The following CELF2 variants were observed in gnomAD, a reference collection of about 807,000 sequenced individuals.
CELF2 encodes CUGBP Elav-like family member 2, also known as CUG triplet repeat RNA-binding protein 2.
Under a neutral mutation model 62.6 loss-of-function variants are expected in CELF2, and 8 were observed. The ratio of observed to expected loss-of-function variants is 0.13; its 90% confidence interval spans 0.07 to 0.23. CELF2 has a LOEUF of 0.23. Among genes scored for constraint, CELF2 ranks in the 10% least tolerant of loss-of-function variants. The probability of loss-of-function intolerance (pLI) is 1.00; values close to 1 mark genes in which losing one functional copy is unlikely to be tolerated. For synonymous variants in CELF2, 258 were observed against 250.0 expected (o/e 1.03, Z -0.30); for missense variants, 333 against 671.0 (o/e 0.50, Z 5.56).
chr10:11,083,841 A>G (rs978149997), intron 1 of CELF2, among the ~76,000 whole-genome samples: 7 of 152,208 alleles, frequency 4.6e-5, no homozygotes, highest in Admixed American at 2.6e-4. Flanking sequence ...ATAAGGGAGA[A>G]TTAGATCAGA....
At chr10:11,023,850 A>T (rs1304522052) in intron 1 of CELF2, among the ~76,000 whole-genome samples, 2 of 152,242 alleles carry the variant, frequency 1.3e-5, no homozygotes, top group Non-Finnish European at 2.9e-5. Context: ...TTCTGTTTAG[A>T]TACTAAAAGT....
intron 1 of CELF2, among the ~76,000 whole-genome samples, chr10:11,147,657 A>T (rs773277855): frequency 1.3e-5 from 2 of 152,256 alleles, no homozygotes; most frequent in African/African-American, 2.4e-5. Flanking sequence ...TCACATGGCA[A>T]TATATGCAAG....
chr10:10,732,611 T>C, the CELF2 span, among the ~76,000 whole-genome samples: 715 of 150,818 alleles, frequency 4.7e-3, 7 homozygotes, highest in African/African-American at 0.016. Context: ...GCAACCTCTG[T>C]CTCCCGGGTT....
Position 11,313,060 on chromosome 10 carries a change from G to A in CELF2, c.977-1079G>A, listed in dbSNP as rs552409926. Among the ~76,000 whole-genome samples, 166 of 152,300 alleles carry A rather than the reference G, an allele frequency of 1.1e-3. No individual in the cohort carries two copies. In the South Asian group the frequency reaches 0.013, roughly 12 times the overall value. The stretch of plus-strand genomic sequence containing the variant: ...TGTTTTTAAACCTGTCTGTGTATTA[G>A]AGATGTAGCCAAAATACAAACAGAT... On this transcript the variant is annotated intron_variant, in intron 9 of 12. Transcript: ENST00000633077.
the CELF2 span, among the ~76,000 whole-genome samples, chr10:10,637,842 C>G: frequency 1.3e-5 from 2 of 152,116 alleles, no homozygotes; most frequent in South Asian, 2.1e-4. Flanking sequence ...GCACTAAATT[C>G]CACATCTGAA....
intron 2 of CELF2, among the ~76,000 whole-genome samples, chr10:10,955,327 G>A (rs1402469054): frequency 6.6e-6 from 1 of 152,182 alleles, no homozygotes; most frequent in African/African-American, 2.4e-5. Flanking sequence ...TGCCTTTGGG[G>A]GCCTCATGTG....
At chr10:11,166,520 G>A (rs2067243767) in intron 2 of CELF2, among the ~76,000 whole-genome samples, 1 of 152,050 alleles carries the variant, frequency 6.6e-6, no homozygotes, top group South Asian at 2.1e-4. Context: ...GCTACCACTT[G>A]GTCTCTGTTG....
Position 11,039,977 on chromosome 10 carries a change from T to C in CELF2, c.74+21814T>C, listed in dbSNP as rs773085845. Among the ~76,000 whole-genome samples, 1 of 152,236 alleles carries C rather than the reference T, an allele frequency of 6.6e-6. No individual in the cohort carries two copies. The highest frequency in any genetic ancestry group is 2.4e-5 in the African/African-American group (1 of 41,468). On this transcript the variant is annotated intron_variant, in intron 1 of 12. Transcript: ENST00000633077. The surrounding 1 kb of genome is among the most constrained non-coding windows in gnomAD (Gnocchi z 4.1). ...GAGCAAAATGTATTGATTATCTTTATGTGGACCATGACAAATTGATTTTTT... is the reference window on the plus strand; with the variant it reads ...GAGCAAAATGTATTGATTATCTTTACGTGGACCATGACAAATTGATTTTTT...
intron 1 of CELF2, among the ~76,000 whole-genome samples, chr10:11,061,223 T>C (rs140459041): frequency 2.0e-5 from 3 of 152,324 alleles, no homozygotes; most frequent in East Asian, 3.9e-4. Flanking sequence ...AATAGACTTA[T>C]TGCCTATATG....
chr10:11,135,349 G>A lies in CELF2; in HGVS notation c.75-30137G>A, dbSNP rs138571718. Among the ~76,000 whole-genome samples the A allele has an allele frequency of 1.2e-3, 176 of 152,240 alleles. 3 individuals carry two copies. In the East Asian group the frequency reaches 0.025, roughly 22 times the overall value. ...TCCCTTCCCTGACAAGTCTTTTCTCGTACATGACGTGAAATAGTGGAGGGC... is the reference window on the plus strand; with the variant it reads ...TCCCTTCCCTGACAAGTCTTTTCTCATACATGACGTGAAATAGTGGAGGGC... On this transcript the variant is annotated intron_variant, in intron 1 of 12. Transcript: ENST00000633077.
Position 11,011,120 on chromosome 10 carries a change from C to T in CELF2, c.53+5680C>T, listed in dbSNP as rs913371274. ...TGCCTCACTTCTCTTGGGCTTGAAT[C>T]TGTATAATGGGAACAGATGTTGGAA... On this transcript the variant is annotated intron_variant, in intron 1 of 12. Transcript: ENST00000416382. This position sits in a 1 kb window ranked among gnomAD's most constrained non-coding sequence, Gnocchi z 4.6. 6.6e-5 allele frequency: 10 copies of T among 151,944 alleles called. No homozygotes were observed. Among genetic ancestry groups the T allele is most frequent in the African/African-American group, 2.4e-4 (10 of 41,354 alleles). 9.4% of individuals were successfully genotyped at this position (151,944 alleles called of 1,614,324 possible). A position where few individuals can be genotyped will look rare whatever the true frequency, so the allele number is the denominator to read the frequency against.
chr10:11,067,765 C>T (rs149666151), intron 1 of CELF2, among the ~76,000 whole-genome samples: 2 of 152,166 alleles, frequency 1.3e-5, no homozygotes, highest in African/African-American at 4.8e-5. Context: ...AGAGTCAGAT[C>T]AGGCATGAAT....
At chr10:10,982,587 G>T (rs1003783229) in intron 2 of CELF2, among the ~76,000 whole-genome samples, 1 of 152,214 alleles carries the variant, frequency 6.6e-6, no homozygotes, top group African/African-American at 2.4e-5. Flanking sequence ...GTCCAGGAAA[G>T]AGCTGCTCAT....
the CELF2 span, among the ~76,000 whole-genome samples, chr10:10,658,225 T>C: frequency 1.3e-5 from 2 of 152,326 alleles, no homozygotes; most frequent in South Asian, 2.1e-4. Flanking sequence ...ACTAGGATCA[T>C]TGTGGTCCCT....
At chr10:10,539,163 A>G in the CELF2 span, among the ~76,000 whole-genome samples, 3 of 152,224 alleles carry the variant, frequency 2.0e-5, no homozygotes, top group Admixed American at 2.0e-4. Context: ...AGAGTTATAG[A>G]GTAGCTATGA....
chr10:10,857,649 G>GTTTATA (rs1554855649), intron 1 of CELF2, among the ~76,000 whole-genome samples: 3,716 of 94,150 alleles, frequency 0.039, 95 homozygotes, highest in Non-Finnish European at 0.051. Flanking sequence ...CATATATATA[G>GTTTATA]TATATATATA....
At chr10:11,184,370 TG>T (rs1425739211) in intron 2 of CELF2, among the ~76,000 whole-genome samples, 1 of 152,244 alleles carries the variant, frequency 6.6e-6, no homozygotes. Context: ...AAAGTTGTTT[TG>T]GCTAGTCTAG....
chr10:11,044,181 C>A lies in CELF2; in HGVS notation c.74+26018C>A, dbSNP rs554222198. ...TCCTCTTACCTTACTTTATCCCCTTCATCGCATTTTTTACCGTTTAACAAA... is the reference window on the plus strand; with the variant it reads ...TCCTCTTACCTTACTTTATCCCCTTAATCGCATTTTTTACCGTTTAACAAA... On this transcript the variant is annotated intron_variant, in intron 1 of 12. Coordinates refer to ENST00000633077, the MANE Select transcript of CELF2 (RefSeq NM_001326342.2). Among the ~76,000 whole-genome samples the A allele has an allele frequency of 6.6e-5, 10 of 152,336 alleles. No individual in the cohort carries two copies. In the South Asian group the frequency reaches 1.9e-3, roughly 28 times the overall value.
chr10:10,798,956 T>C, intron 1 of CELF2: 1 of 396,868 alleles, frequency 2.5e-6, no homozygotes, highest in Admixed American at 4.4e-5. Context: ...GATCTGCTAG[T>C]GGGAAGACTG....
Sources: allele counts gnomAD v4.1 joint callset (sites outside exome capture counted in the v4.1 genomes callset), GRCh38; gene constraint gnomAD v4.1.1; non-coding constraint Gnocchi (gnomAD v3.1); transcripts MANE v1.5; gene names NCBI Gene and HGNC (gene_info 2026-07-23, HGNC 2026-07-21).